Variants in TENM3 observed in about 807,000 individuals in gnomAD.
The protein encoded by TENM3 is teneurin-3.
A neutral mutation model predicts 255.1 loss-of-function variants in TENM3; 63 were observed. That is an observed-to-expected ratio of 0.25 (90% CI 0.20 to 0.30). TENM3 has a LOEUF of 0.30. Among genes scored for constraint, TENM3 ranks in the 10% least tolerant of loss-of-function variants. TENM3 has a pLI of 1.00. For missense variants in TENM3, 2,929 were observed against 3,461.1 expected, an observed-to-expected ratio of 0.85 and a Z score of 3.86; for synonymous variants, 1,306 against 1,322.3, an observed-to-expected ratio of 0.99 and a Z score of 0.27.
the TENM3 span, among the ~76,000 whole-genome samples, chr4:181,501,256 G>A: frequency 6.6e-6 from 1 of 152,170 alleles, no homozygotes; most frequent in South Asian, 2.1e-4. Flanking sequence ...CACAGAGGCA[G>A]GGAAGATCTG....
chr4:181,922,946 A>G, the TENM3 span, among the ~76,000 whole-genome samples: 1,310 of 152,088 alleles, frequency 8.6e-3, 26 homozygotes, highest in African/African-American at 0.03. Context: ...CTTTGTTCTC[A>G]TTGGTTTCAA....
chr4:181,698,602 G>A, the TENM3 span, among the ~76,000 whole-genome samples: 1 of 152,094 alleles, frequency 6.6e-6, no homozygotes, highest in Non-Finnish European at 1.5e-5. Flanking sequence ...AGGTGGTATG[G>A]AATACAAAGA....
chr4:182,069,670 C>A, the TENM3 span, among the ~76,000 whole-genome samples: 1 of 135,844 alleles, frequency 7.4e-6, no homozygotes, highest in Non-Finnish European at 1.6e-5. Flanking sequence ...CAGGAAAATA[C>A]ATACATAGAT....
the TENM3 span, among the ~76,000 whole-genome samples, chr4:182,125,485 G>A: frequency 6.6e-6 from 1 of 152,192 alleles, no homozygotes; most frequent in African/African-American, 2.4e-5. Context: ...TGGATAAGGG[G>A]AAATGCCACC....
chr4:181,636,894 T>C, the TENM3 span, among the ~76,000 whole-genome samples: 1 of 152,140 alleles, frequency 6.6e-6, no homozygotes, highest in Non-Finnish European at 1.5e-5. Context: ...ATGCCCTGCA[T>C]CCTTTACACT....
At chr4:181,556,864 TAGTATA>T in the TENM3 span, among the ~76,000 whole-genome samples, 1 of 152,184 alleles carries the variant, frequency 6.6e-6, no homozygotes, top group African/African-American at 2.4e-5. Context: ...CTCAAGTGCA[TAGTATA>T]CCAAATTCAG....
the TENM3 span, among the ~76,000 whole-genome samples, chr4:181,611,020 A>G: frequency 1.3e-3 from 201 of 152,302 alleles, 1 homozygote; most frequent in African/African-American, 4.6e-3. Context: ...ATTTTAGCCA[A>G]ATTAGTAGGT....
the TENM3 span, among the ~76,000 whole-genome samples, chr4:181,858,248 G>T: frequency 6.6e-6 from 1 of 152,168 alleles, no homozygotes; most frequent in East Asian, 1.9e-4. Context: ...AATAAATGAA[G>T]TTTAGATTTA....
At chr4:181,741,516 C>T in the TENM3 span, among the ~76,000 whole-genome samples, 1 of 152,160 alleles carries the variant, frequency 6.6e-6, no homozygotes, top group Non-Finnish European at 1.5e-5. Flanking sequence ...GATAATTCTA[C>T]TGGAGTTCAC....
chr4:182,122,207 C>T, the TENM3 span, among the ~76,000 whole-genome samples: 1 of 152,216 alleles, frequency 6.6e-6, no homozygotes. Flanking sequence ...TCTTGAAATG[C>T]TCAAAGTCAT....
the TENM3 span, among the ~76,000 whole-genome samples, chr4:181,909,156 T>C: frequency 6.6e-6 from 1 of 152,208 alleles, no homozygotes; most frequent in Non-Finnish European, 1.5e-5. Flanking sequence ...ACACACCTTA[T>C]CAATTCCCAC....
At chr4:181,583,130 T>TTTAA in the TENM3 span, among the ~76,000 whole-genome samples, 614 of 130,760 alleles carry the variant, frequency 4.7e-3, 1 homozygote, top group East Asian at 0.011. Context: ...TTCTGTAGTA[T>TTTAA]TTTTTTTTTT....
the TENM3 span, among the ~76,000 whole-genome samples, chr4:181,616,314 T>TACACACACACAC: frequency 1.5e-4 from 16 of 103,702 alleles, no homozygotes; most frequent in African/African-American, 6.2e-4. Flanking sequence ...ACCCATAGAA[T>TACACACACACAC]ACACACACAC....
the TENM3 span, among the ~76,000 whole-genome samples, chr4:181,605,507 A>G: frequency 1.1e-4 from 2 of 17,640 alleles, no homozygotes; most frequent in South Asian, 4.7e-3. Flanking sequence ...AGAAAGAAAG[A>G]AAGAAAGAAA....
intron 3 of TENM3, among the ~76,000 whole-genome samples, chr4:182,352,821 G>A (rs556780404): frequency 1.6e-4 from 25 of 152,182 alleles, no homozygotes; most frequent in Admixed American, 2.0e-4. Flanking sequence ...TGTAGTGATA[G>A]CATTTCCATC....
intron 20 of TENM3, among the ~76,000 whole-genome samples, chr4:182,752,998 G>A (rs1762481588): frequency 6.9e-6 from 1 of 145,390 alleles, no homozygotes; most frequent in African/African-American, 2.6e-5. Flanking sequence ...CCAGGCTGGA[G>A]AGCAATGGTG....
intron 12 of TENM3, among the ~76,000 whole-genome samples, chr4:182,699,736 A>C (rs187321334): frequency 6.6e-6 from 1 of 152,214 alleles, no homozygotes; most frequent in African/African-American, 2.4e-5. Flanking sequence ...TGTCAAATTC[A>C]TATGATACTG....
chr4:181,824,986 G>T, the TENM3 span, among the ~76,000 whole-genome samples: 1 of 152,164 alleles, frequency 6.6e-6, no homozygotes, highest in Non-Finnish European at 1.5e-5. Context: ...GTGAAGTTAT[G>T]GGCTACCTGT....
At chr4:182,155,341 C>CT (rs753517492) in intron 1 of TENM3, among the ~76,000 whole-genome samples, 47 of 152,178 alleles carry the variant, frequency 3.1e-4, no homozygotes, top group Admixed American at 6.5e-4. Flanking sequence ...ATTCTGGTGT[C>CT]TGTGTACTTA....
Sources: allele counts gnomAD v4.1 joint callset (sites outside exome capture counted in the v4.1 genomes callset), GRCh38; gene constraint gnomAD v4.1.1; transcripts MANE v1.5; gene names NCBI Gene and HGNC (gene_info 2026-07-23, HGNC 2026-07-21).